EPM2A: variants seen among roughly 807,000 people sequenced by gnomAD.
The protein encoded by EPM2A is laforin.
EPM2A carries 21 observed loss-of-function variants against 26.5 expected under a neutral mutation model. That is an observed-to-expected ratio of 0.79 (90% confidence interval 0.56 to 1.14). The LOEUF (loss-of-function observed/expected upper bound fraction) is 1.14, where lower values mean the gene tolerates loss of function less well. Among genes scored for constraint, EPM2A ranks in the 50% most tolerant of loss-of-function variants. EPM2A has a pLI of 0.00. For synonymous variants in EPM2A, 217 were observed against 177.6 expected, an observed-to-expected ratio of 1.22 and a Z score of -1.76; for missense variants, 458 against 440.8, an observed-to-expected ratio of 1.04 and a Z score of -0.35.
intron 2 of EPM2A, among the ~76,000 whole-genome samples, chr6:145,656,816 CT>C (rs1778327934): frequency 6.6e-6 from 1 of 152,148 alleles, no homozygotes; most frequent in South Asian, 2.1e-4. Flanking sequence ...TGGAAAAATT[CT>C]TGATTTACAA....
chr6:145,650,445 G>A (rs544719627), intron 2 of EPM2A, among the ~76,000 whole-genome samples: 31 of 151,876 alleles, frequency 2.0e-4, no homozygotes, highest in South Asian at 4.2e-4. Flanking sequence ...CCAGCTACTC[G>A]AGAGGCTGAG....
chr6:145,686,287 G>T lies in EPM2A; in HGVS notation c.311C>A (p.Pro104His). ...GGELSWEGNG[P>H]HHDRCCTYNE... ...GTAAGTACAGCAACGGTCATGATGA[G>T]GTCCATTGCCTAGAACAAGAAAAAA... Residue 104 changes from proline to histidine, a missense_variant, in exon 2 of 4, where the codon CCT (proline) becomes CAT (histidine). Pro to His is a moderately conservative substitution (Grantham distance 77). Coordinates refer to ENST00000367519, the MANE Select transcript of EPM2A (RefSeq NM_005670.4). The T allele has an allele frequency of 6.2e-7, 1 of 1,613,206 alleles. No individual in the cohort carries two copies.
At chr6:145,444,063 G>A (rs145505672) in intron 4 of EPM2A, among the ~76,000 whole-genome samples, 6 of 152,234 alleles carry the variant, frequency 3.9e-5, no homozygotes, top group East Asian at 1.9e-4. Context: ...CACAGGAATC[G>A]TTTGACTCCC....
At chr6:145,674,641 T>C (rs886360001) in intron 2 of EPM2A, among the ~76,000 whole-genome samples, 1 of 152,022 alleles carries the variant, frequency 6.6e-6, no homozygotes, top group Non-Finnish European at 1.5e-5. Context: ...TTGTGACACA[T>C]GCACAAGCTT....
chr6:145,735,428 C>A lies in EPM2A; in HGVS notation c.71G>T (p.Gly24Val). 1.6e-6 allele frequency: 2 copies of A among 1,258,276 alleles called. No individual in the cohort carries two copies. The highest frequency in any genetic ancestry group is 1.0e-6 in the Non-Finnish European group (1 of 995,108). 77.9% of individuals were successfully genotyped at this position (1,258,276 alleles called of 1,614,324 possible). ...AGARPELLVV[G>V]SRPELGRWEP... ...CCAACGCCCCAGCTCGGGCCGCGACCCCACCACCAGCAGCTCCGGCCGGGC... is the reference window on the plus strand; with the variant it reads ...CCAACGCCCCAGCTCGGGCCGCGACACCACCACCAGCAGCTCCGGCCGGGC... The change falls in exon 1 of 4, where the codon GGG becomes GTG. Residue 24 changes from glycine to valine, a missense_variant. By Grantham distance (109) the Gly-to-Val change is moderately radical. Transcript: ENST00000367519.
intron 4 of EPM2A, among the ~76,000 whole-genome samples, chr6:145,396,575 T>C (rs554259661): frequency 1.5e-3 from 123 of 83,914 alleles, no homozygotes; most frequent in Non-Finnish European, 3.3e-3. Flanking sequence ...CTTTGCAATG[T>C]CTGCCTTCAG....
intron 2 of EPM2A, among the ~76,000 whole-genome samples, chr6:145,666,610 T>C (rs1469028001): frequency 2.2e-5 from 2 of 92,394 alleles, no homozygotes; most frequent in East Asian, 6.6e-4. Context: ...ACAGATTCAA[T>C]GCCATCCCCA....
intron 1 of EPM2A, among the ~76,000 whole-genome samples, chr6:145,725,772 G>A (rs1276215446): frequency 1.3e-5 from 2 of 151,994 alleles, no homozygotes; most frequent in East Asian, 3.8e-4. Flanking sequence ...AGTGGGAAGG[G>A]TTGAATAGAC....
intron 2 of EPM2A, among the ~76,000 whole-genome samples, chr6:145,517,349 A>G (rs1392030067): frequency 2.0e-5 from 3 of 149,936 alleles, no homozygotes; most frequent in African/African-American, 7.4e-5. Flanking sequence ...GTTCTTACCA[A>G]AATAAAAATA....
intron 4 of EPM2A, among the ~76,000 whole-genome samples, chr6:145,399,024 A>G (rs1230651839): frequency 6.6e-6 from 1 of 152,126 alleles, no homozygotes; most frequent in Admixed American, 6.6e-5. Context: ...TTAGAAAATC[A>G]CTGTATACCA....
chr6:145,599,880 A>T (rs561867029), intron 2 of EPM2A, among the ~76,000 whole-genome samples: 1 of 152,182 alleles, frequency 6.6e-6, no homozygotes, highest in Non-Finnish European at 1.5e-5. Context: ...ATATTCTTTA[A>T]TCAAAAATTG....
chr6:145,516,987 T>C (rs1237332454), intron 2 of EPM2A, among the ~76,000 whole-genome samples: 2 of 152,144 alleles, frequency 1.3e-5, no homozygotes, highest in Non-Finnish European at 1.5e-5. Flanking sequence ...AGATGTGATA[T>C]ACACATACAA....
intron 4 of EPM2A, among the ~76,000 whole-genome samples, chr6:145,416,278 A>G (rs1778706992): frequency 6.7e-6 from 1 of 149,000 alleles, no homozygotes. Flanking sequence ...GCAGATTGTC[A>G]TTAACACAAC....
chr6:145,693,047 A>G (rs957459123), intron 1 of EPM2A, among the ~76,000 whole-genome samples: 2 of 152,026 alleles, frequency 1.3e-5, no homozygotes, highest in Admixed American at 1.3e-4. Flanking sequence ...ATCAAGGAGC[A>G]TAGAATATTT....
intron 4 of EPM2A, among the ~76,000 whole-genome samples, chr6:145,425,537 G>A (rs1402660239): frequency 3.3e-5 from 5 of 150,330 alleles, no homozygotes; most frequent in Non-Finnish European, 7.4e-5. Context: ...CAGTGGAAAT[G>A]AGTATTTTAA....
intron 4 of EPM2A, among the ~76,000 whole-genome samples, chr6:145,436,639 C>G (rs1019780764): frequency 2.0e-5 from 3 of 151,928 alleles, no homozygotes; most frequent in African/African-American, 7.2e-5. Flanking sequence ...GGTATATTTT[C>G]TATGGAGAAC....
intron 4 of EPM2A, among the ~76,000 whole-genome samples, chr6:145,426,991 A>C (rs1445018962): frequency 6.6e-6 from 1 of 152,222 alleles, no homozygotes; most frequent in Non-Finnish European, 1.5e-5. Flanking sequence ...AATAATAAAA[A>C]GCTTTGAAAG....
intron 2 of EPM2A, among the ~76,000 whole-genome samples, chr6:145,683,011 C>T (rs1476185413): frequency 6.6e-6 from 1 of 152,076 alleles, no homozygotes; most frequent in East Asian, 1.9e-4. Flanking sequence ...ATGAACATAG[C>T]AAACAGATAG....
At position 145,705,631 on chromosome 6, in the gene EPM2A, C is replaced by G. The variant is rs911194937; in HGVS notation, c.302-19335G>C. On this transcript the variant is annotated intron_variant, in intron 1 of 3. Coordinates refer to ENST00000367519, the MANE Select transcript of EPM2A (RefSeq NM_005670.4). ...GAGTTCATTATAGATTGGCTAGGGG[C>G]TCTTGTTCACATTGTCATCATCTTC... The G allele has an allele frequency of 8.9e-6, 4 of 448,950 alleles. No individual in the cohort carries two copies. The Admixed American group carries it at 9.6e-5, about 11-fold the overall frequency. The allele number at this position is 448,950 out of a possible 1,614,324, so 27.8% of individuals were successfully genotyped here.
Sources: allele counts gnomAD v4.1 joint callset (sites outside exome capture counted in the v4.1 genomes callset), GRCh38; gene constraint gnomAD v4.1.1; transcripts MANE v1.5; gene names NCBI Gene and HGNC (gene_info 2026-07-23, HGNC 2026-07-21).